The following DLGAP2 variants were observed in gnomAD, a reference collection of about 807,000 sequenced individuals.
DLGAP2 encodes disks large-associated protein 2.
In DLGAP2, 26 loss-of-function variants were observed where a neutral mutation model predicts 100.3. The ratio of observed to expected loss-of-function variants is 0.26; its 90% CI spans 0.19 to 0.36. The LOEUF (loss-of-function observed/expected upper bound fraction) is 0.36. Among genes scored for constraint, DLGAP2 ranks in the 10% least tolerant of loss-of-function variants. DLGAP2 has a pLI of 1.00. For missense variants in DLGAP2, 1,858 were observed against 1,453.2 expected (o/e 1.28, Z -4.53); for synonymous variants, 886 against 630.1 (o/e 1.41, Z -6.08).
In DLGAP2 at chr8:1,462,694, TG is replaced by T. The variant is rs921359107; in HGVS notation, c.107-38668del. ...GACTCAGGCTGCCAGCGTGGGTGGC[TG>T]GGGAAGGGGAAGGGACCAGGAATGT... is the stretch of plus-strand genomic sequence containing the variant. On this transcript the variant is annotated intron_variant, in intron 3 of 14. Coordinates refer to ENST00000637795, the MANE Select transcript of DLGAP2 (RefSeq NM_001346810.2). 4.6e-5 allele frequency among the ~76,000 whole-genome samples: 7 copies of T among 152,072 alleles called. No homozygotes were observed. The East Asian group carries it at 1.4e-3, about 29-fold the overall frequency.
At chr8:855,429 C>A (rs1220548186) in intron 1 of DLGAP2, among the ~76,000 whole-genome samples, 4 of 152,080 alleles carry the variant, frequency 2.6e-5, no homozygotes, top group Non-Finnish European at 5.9e-5. Flanking sequence ...GAATGAGTGA[C>A]TAAAGAGGAG....
chr8:1,417,558 G>C (rs572963196), intron 3 of DLGAP2, among the ~76,000 whole-genome samples: 7 of 146,060 alleles, frequency 4.8e-5, no homozygotes, highest in African/African-American at 1.8e-4. Flanking sequence ...CCGAAGCCCA[G>C]AACAGGGGAG....
chr8:1,443,795 A>T (rs1797906699), intron 3 of DLGAP2, among the ~76,000 whole-genome samples: 1 of 152,152 alleles, frequency 6.6e-6, no homozygotes, highest in African/African-American at 2.4e-5. Context: ...CCCACCCTTG[A>T]CACGTGGGGA....
chr8:749,087 C>G (rs1047983087), intron 1 of DLGAP2, among the ~76,000 whole-genome samples: 2 of 152,294 alleles, frequency 1.3e-5, no homozygotes, highest in East Asian at 1.9e-4. Flanking sequence ...GCAGCCTTGA[C>G]TTTCTGGGCT....
Position 976,484 on chromosome 8 carries a change from T to G in DLGAP2, c.73+68518T>G, listed in dbSNP as rs373078125. ...AAAATTAGCTGGGCGTGGTGGCAGG[T>G]GCCTGTAGTCCCAGCTACTTGGGAG... On this transcript the variant is annotated intron_variant, in intron 2 of 14. Transcript: ENST00000637795. Among the ~76,000 whole-genome samples the G allele has an allele frequency of 3.9e-5, 6 of 152,218 alleles. No homozygotes were observed. In the East Asian group the frequency reaches 1.2e-3, roughly 29 times the overall value.
intron 2 of DLGAP2, among the ~76,000 whole-genome samples, chr8:1,134,979 C>T (rs1443606039): frequency 2.0e-5 from 3 of 152,136 alleles, no homozygotes; most frequent in African/African-American, 7.2e-5. Context: ...CAATATCAAA[C>T]TCTATTGATT....
chr8:1,458,612 T>C (rs895412504), intron 3 of DLGAP2, among the ~76,000 whole-genome samples: 3 of 152,248 alleles, frequency 2.0e-5, no homozygotes, highest in African/African-American at 7.2e-5. Context: ...CTATGGTTTT[T>C]TATCAAACTC....
chr8:1,213,480 C>G (rs1046797944), intron 2 of DLGAP2, among the ~76,000 whole-genome samples: 10 of 152,146 alleles, frequency 6.6e-5, no homozygotes, highest in African/African-American at 2.2e-4. Flanking sequence ...CACCATATTG[C>G]TCACATTATA....
At chr8:858,043 A>G (rs1426631695) in intron 1 of DLGAP2, among the ~76,000 whole-genome samples, 1 of 151,928 alleles carries the variant, frequency 6.6e-6, no homozygotes, top group African/African-American at 2.4e-5. Context: ...CTAATTTTGT[A>G]TTAGGGTTTC....
At chr8:804,100 T>A (rs532847572) in intron 1 of DLGAP2, among the ~76,000 whole-genome samples, 2 of 152,172 alleles carry the variant, frequency 1.3e-5, no homozygotes, top group African/African-American at 2.4e-5. Flanking sequence ...GATTAAGCAC[T>A]AGGATATCCC....
At chr8:1,225,626 A>G (rs28661368) in intron 2 of DLGAP2, among the ~76,000 whole-genome samples, 3,823 of 152,336 alleles carry the variant, frequency 0.025, 93 homozygotes, top group East Asian at 0.1. Flanking sequence ...AGTATCATGA[A>G]CACTTTTAAG....
At chr8:1,322,682 C>T (rs993720045) in intron 3 of DLGAP2, among the ~76,000 whole-genome samples, 1 of 152,246 alleles carries the variant, frequency 6.6e-6, no homozygotes, top group Non-Finnish European at 1.5e-5. Flanking sequence ...GTGCTGCGTC[C>T]TGCCTCTGTG....
At chr8:882,515 C>T (rs76782073) in intron 1 of DLGAP2, among the ~76,000 whole-genome samples, 12 of 87,698 alleles carry the variant, frequency 1.4e-4, no homozygotes, top group Admixed American at 2.7e-4. Flanking sequence ...CGGAGGCCTC[C>T]CCTGCGCGCA....
rs190082696 is a variant in DLGAP2 at position 1,314,689 on chromosome 8, G to A, written c.106+55806G>A. 4.4e-3 allele frequency among the ~76,000 whole-genome samples: 670 copies of A among 152,292 alleles called. 1 individual carries two copies. The highest frequency in any genetic ancestry group is 7.6e-3 in the Non-Finnish European group (515 of 68,016). ...TCCGCCTGGGGCTGGGCTGCTGGGG[G>A]CCCCTCTCCCACCCCTATCCGCCTC... On this transcript the variant is annotated intron_variant, in intron 3 of 14. Transcript: ENST00000637795.
intron 6 of DLGAP2, among the ~76,000 whole-genome samples, chr8:1,622,717 C>G (rs1797377758): frequency 6.6e-6 from 1 of 152,114 alleles, no homozygotes; most frequent in Non-Finnish European, 1.5e-5. Context: ...AAACTTTTCA[C>G]TATTTAAAAA....
intron 2 of DLGAP2, among the ~76,000 whole-genome samples, chr8:1,236,974 C>T (rs1397340781): frequency 4.2e-5 from 6 of 144,362 alleles, no homozygotes; most frequent in Non-Finnish European, 6.1e-5. Context: ...CACATGGTGC[C>T]GTGTCTAGTT....
intron 1 of DLGAP2, among the ~76,000 whole-genome samples, chr8:815,056 T>G (rs1033355818): frequency 6.6e-6 from 1 of 151,864 alleles, no homozygotes; most frequent in African/African-American, 2.4e-5. Context: ...AGCAAAAAAG[T>G]AGATCATTAG....
chr8:860,966 C>A (rs1355503511), intron 1 of DLGAP2, among the ~76,000 whole-genome samples: 1 of 152,132 alleles, frequency 6.6e-6, no homozygotes, highest in Non-Finnish European at 1.5e-5. Flanking sequence ...CCGTGCCTGT[C>A]CCCTGCTGGA....
intron 3 of DLGAP2, among the ~76,000 whole-genome samples, chr8:1,305,630 G>A (rs929763022): frequency 6.6e-6 from 1 of 152,154 alleles, no homozygotes; most frequent in Non-Finnish European, 1.5e-5. Context: ...CAACCTGCCA[G>A]GATAAAAATT....
Sources: allele counts gnomAD v4.1 joint callset (sites outside exome capture counted in the v4.1 genomes callset), GRCh38; gene constraint gnomAD v4.1.1; transcripts MANE v1.5; gene names NCBI Gene and HGNC (gene_info 2026-07-23, HGNC 2026-07-21).